The following RALGAPA2 variants were observed in gnomAD, a reference collection of about 807,000 sequenced individuals.
RALGAPA2 encodes Ral GTPase activating protein catalytic subunit alpha 2, also known as ral GTPase-activating protein subunit alpha-2.
Under a neutral mutation model 230.4 loss-of-function variants are expected in RALGAPA2, and 139 were observed. The ratio of observed to expected loss-of-function variants is 0.60; its 90% CI spans 0.53 to 0.69. The LOEUF (loss-of-function observed/expected upper bound fraction) is 0.69. Among genes scored for constraint, RALGAPA2 ranks in the 30% least tolerant of loss-of-function variants. The pLI is 0.00. For missense variants in RALGAPA2, 2,163 were observed against 2,276.0 expected (o/e 0.95, Z 1.01); for synonymous variants, 847 against 837.8 (o/e 1.01, Z -0.19).
chr20:20,480,129 T>C (rs774865506), intron 36 of RALGAPA2, among the ~76,000 whole-genome samples: 1 of 152,362 alleles, frequency 6.6e-6, no homozygotes, highest in Middle Eastern at 3.4e-3. Flanking sequence ...GAAGACTCAA[T>C]ATTGTTGTGA....
At chr20:20,594,131 A>G (rs369422123) in intron 16 of RALGAPA2, among the ~76,000 whole-genome samples, 26 of 152,330 alleles carry the variant, frequency 1.7e-4, no homozygotes, top group South Asian at 4.1e-4. Flanking sequence ...TTGACTATCA[A>G]TTGAGATGGT....
chr20:20,693,605 C>A (rs1270771297), intron 1 of RALGAPA2, among the ~76,000 whole-genome samples: 3 of 152,174 alleles, frequency 2.0e-5, no homozygotes, highest in Non-Finnish European at 4.4e-5. Flanking sequence ...AGAGTGTTTA[C>A]AGCTGTCGAA....
chr20:20,647,371 G>C (rs1354479055), intron 4 of RALGAPA2, among the ~76,000 whole-genome samples: 1 of 152,178 alleles, frequency 6.6e-6, no homozygotes, highest in South Asian at 2.1e-4. Context: ...AAGCCTGCTA[G>C]AAGAGGCCAG....
intron 23 of RALGAPA2, among the ~76,000 whole-genome samples, chr20:20,569,179 A>G (rs999838229): frequency 6.6e-6 from 1 of 152,204 alleles, no homozygotes; most frequent in African/African-American, 2.4e-5. Context: ...AAGTTAAACT[A>G]ATTACCAGAG....
At position 20,505,468 on chromosome 20, in the gene RALGAPA2, G is replaced by C. The variant is rs1430268986; in HGVS notation, c.4995C>G (p.Leu1665=). The C allele has an allele frequency of 1.2e-6, 2 of 1,604,408 alleles. No individual in the cohort carries two copies. Among genetic ancestry groups the C allele is most frequent in the African/African-American group, 1.3e-5 (1 of 74,802 alleles). Residue 1665 remains leucine (L), a synonymous_variant, in exon 34 of 40, where the codon CTC becomes CTG. Coordinates refer to ENST00000202677, the MANE Select transcript of RALGAPA2 (RefSeq NM_020343.4). ...AEGQEDKCSI[L]SNERGSQAYE... is the part of the protein sequence containing the mutation. ...ATGCTTGGCTTCCTCTTTCATTAGA[G>C]AGGATTGAACACTTGTCTTCTTGAC...
chr20:20,434,985 C>T (rs529756436), intron 37 of RALGAPA2, among the ~76,000 whole-genome samples: 20 of 152,222 alleles, frequency 1.3e-4, no homozygotes, highest in Admixed American at 3.3e-4. Context: ...TTATGAAAAA[C>T]AAATCTACAA....
intron 37 of RALGAPA2, among the ~76,000 whole-genome samples, chr20:20,428,709 C>A (rs2060439791): frequency 1.2e-5 from 1 of 84,580 alleles, no homozygotes; most frequent in African/African-American, 5.0e-5. Context: ...ATTATTGTGC[C>A]TGCCACCCAT....
chr20:20,501,589 T>C (rs2062377634), intron 35 of RALGAPA2, among the ~76,000 whole-genome samples: 1 of 152,256 alleles, frequency 6.6e-6, no homozygotes, highest in African/African-American at 2.4e-5. Context: ...ACTTTCTCCA[T>C]ATCAGCAATA....
chr20:20,461,353 T>C (rs1037905385), intron 37 of RALGAPA2, among the ~76,000 whole-genome samples: 4 of 152,232 alleles, frequency 2.6e-5, no homozygotes, highest in Non-Finnish European at 5.9e-5. Flanking sequence ...CTTATTAAAA[T>C]TGGTTTCTTT....
chr20:20,493,428 TG>T (rs1393586133), intron 36 of RALGAPA2, among the ~76,000 whole-genome samples: 1 of 152,236 alleles, frequency 6.6e-6, no homozygotes, highest in African/African-American at 2.4e-5. Context: ...TCATTAAATG[TG>T]CAAACATTTT....
At chr20:20,489,724 T>C (rs1048108754) in intron 36 of RALGAPA2, among the ~76,000 whole-genome samples, 1 of 152,242 alleles carries the variant, frequency 6.6e-6, no homozygotes, top group African/African-American at 2.4e-5. Context: ...ACACCCATCC[T>C]CCTTGCTGGG....
At chr20:20,435,898 G>A (rs1338311175) in intron 37 of RALGAPA2, among the ~76,000 whole-genome samples, 1 of 152,200 alleles carries the variant, frequency 6.6e-6, no homozygotes, top group African/African-American at 2.4e-5. Flanking sequence ...CTGTGAGCAG[G>A]ATTAGTAAAA....
chr20:20,581,117 G>T (rs2064971636), intron 20 of RALGAPA2, among the ~76,000 whole-genome samples: 1 of 152,132 alleles, frequency 6.6e-6, no homozygotes, highest in Non-Finnish European at 1.5e-5. Context: ...TTTCAAAGAA[G>T]AACGGAGTAT....
chr20:20,649,505 G>A (rs183697453), intron 4 of RALGAPA2, among the ~76,000 whole-genome samples: 237 of 152,230 alleles, frequency 1.6e-3, no homozygotes, highest in African/African-American at 5.3e-3. Flanking sequence ...AAACCTAGGT[G>A]AACAAACTAG....
chr20:20,392,947 G>T lies in RALGAPA2; in HGVS notation c.*342C>A. 1.5e-6 allele frequency: 1 copy of T among 655,524 alleles called. No homozygotes were observed. Among genetic ancestry groups the T allele is most frequent in the Non-Finnish European group, 2.2e-6 (1 of 444,874 alleles). 40.6% of individuals were successfully genotyped at this position (655,524 alleles called of 1,614,324 possible). Reference sequence around the variant, plus strand: ...CCAGAGCAGCCACACCAGTGCCCACGTGTCAGTGGGTTCATCTCTGGTTTT... The same window carrying T: ...CCAGAGCAGCCACACCAGTGCCCACTTGTCAGTGGGTTCATCTCTGGTTTT... On this transcript the variant is annotated 3_prime_UTR_variant, in exon 40 of 40. Coordinates refer to ENST00000202677, the MANE Select transcript of RALGAPA2 (RefSeq NM_020343.4).
At chr20:20,619,443 G>A (rs750399661) in intron 11 of RALGAPA2, 29 bp from the exon 12 acceptor site, 4 of 1,499,840 alleles carry the variant, frequency 2.7e-6, no homozygotes, top group Non-Finnish European at 3.6e-6. Flanking sequence ...CATTAACAGA[G>A]TGGAAGATGC....
intron 23 of RALGAPA2, among the ~76,000 whole-genome samples, chr20:20,561,183 T>C (rs936461467): frequency 6.6e-6 from 1 of 152,226 alleles, no homozygotes; most frequent in Admixed American, 6.5e-5. Flanking sequence ...AACAGAAAAC[T>C]GGATTTAGTG....
intron 38 of RALGAPA2, among the ~76,000 whole-genome samples, chr20:20,401,071 G>C (rs986819195): frequency 1.3e-5 from 2 of 152,152 alleles, no homozygotes; most frequent in Non-Finnish European, 2.9e-5. Context: ...TGTTTAAAAG[G>C]GGGGATGAAA....
chr20:20,525,712 C>A (rs2063180728), intron 28 of RALGAPA2, among the ~76,000 whole-genome samples: 1 of 152,198 alleles, frequency 6.6e-6, no homozygotes, highest in Non-Finnish European at 1.5e-5. Context: ...CACTTGGATG[C>A]AAGTGGCCTT....
Sources: allele counts gnomAD v4.1 joint callset (sites outside exome capture counted in the v4.1 genomes callset), GRCh38; gene constraint gnomAD v4.1.1; transcripts MANE v1.5; gene names NCBI Gene and HGNC (gene_info 2026-07-23, HGNC 2026-07-21).